ADGRE3: variants seen among roughly 807,000 people sequenced by gnomAD.
ADGRE3 encodes the protein EGF-like module receptor 3.
Under a neutral mutation model 80.1 loss-of-function variants are expected in ADGRE3, and 88 were observed. The ratio of observed to expected loss-of-function variants is 1.10; its 90% confidence interval spans 0.93 to 1.31. The LOEUF (loss-of-function observed/expected upper bound fraction) is 1.31, where lower values mean the gene tolerates loss of function less well. Ranked by LOEUF, ADGRE3 falls within the 40% of genes most tolerant of loss-of-function variation. The pLI is 0.00. For synonymous variants in ADGRE3, 281 were observed against 294.8 expected (o/e 0.95, Z 0.48); for missense variants, 715 against 776.5 (o/e 0.92, Z 0.94).
chr19:14,651,201 A>G lies in ADGRE3; in HGVS notation c.581T>C (p.Ile194Thr). 6.2e-7 allele frequency: 1 copy of G among 1,614,096 alleles called. No homozygotes were observed. Among genetic ancestry groups the G allele is most frequent in the Non-Finnish European group, 8.5e-7 (1 of 1,179,972 alleles). The change falls in exon 7 of 16, where the codon ATT (isoleucine) becomes ACT (threonine). Residue 194 changes from isoleucine to threonine, a missense_variant. Transcript: ENST00000253673. ...VLKIQNDSVA[I>T]ETQAITDNCS... ...ATTGTCTGTAATCGCTTGAGTTTCA[A>G]TAGCTGGTAAGAAAAGCAATGGGCA...
rs1417424195 is a variant in ADGRE3 at position 14,619,246 on chromosome 19, A to G, written c.*187T>C. On this transcript the variant is annotated 3_prime_UTR_variant, in exon 16 of 16. Transcript: ENST00000253673. ...TGACTGAATACACCATAGTGAAGAG[A>G]AATGCAATTTACCACACATTTGTTG... is the stretch of plus-strand genomic sequence containing the variant. 1.1e-5 allele frequency: 7 copies of G among 616,952 alleles called. No individual in the cohort carries two copies. Among genetic ancestry groups the G allele is most frequent in the Non-Finnish European group, 2.0e-5 (7 of 348,500 alleles). 38.2% of individuals were successfully genotyped at this position (616,952 alleles called of 1,614,324 possible). A position where few individuals can be genotyped will look rare whatever the true frequency, so the allele number is the denominator to read the frequency against.
chr19:14,636,058 T>TTCCTTCCTTCCTTCCTTCCC (rs1449287126), intron 11 of ADGRE3, among the ~76,000 whole-genome samples: 1 of 22,406 alleles, frequency 4.5e-5, no homozygotes, highest in African/African-American at 1.2e-4. Flanking sequence ...CCTTCCTTCC[T>TTCCTTCCTTCCTTCCTTCCC]TCCTTTCCTT....
intron 2 of ADGRE3, among the ~76,000 whole-genome samples, chr19:14,664,046 T>C (rs1972026312): frequency 6.6e-6 from 1 of 151,644 alleles, no homozygotes; most frequent in Non-Finnish European, 1.5e-5. Context: ...TTTCCTCTTG[T>C]GAGATCTAAG....
chr19:14,624,705 T>G (rs1970688623), intron 15 of ADGRE3, among the ~76,000 whole-genome samples: 1 of 149,878 alleles, frequency 6.7e-6, no homozygotes, highest in African/African-American at 2.5e-5. Flanking sequence ...CAGTAAGCTA[T>G]GATCACGCCA....
rs375700065 is a variant in ADGRE3 at position 14,662,033 on chromosome 19, T to C, written c.285A>G (p.Gln95=). 123 of 1,613,970 alleles carry C rather than the reference T, an allele frequency of 7.6e-5. No individual in the cohort carries two copies. The highest frequency in any genetic ancestry group is 9.4e-5 in the Non-Finnish European group (111 of 1,179,908). The change falls in exon 4 of 16, where the codon CAA becomes CAG. Residue 95 remains glutamine, a synonymous_variant. Transcript: ENST00000253673. ...CYNVEGSFYC[Q]CVPGYRLHSG... ...AATGCAGTCTATATCCTGGGACACA[T>C]TGACAGTAGAAACTTCCTTCGACAT...
At chr19:14,621,019 T>TA (rs1970592237) in intron 15 of ADGRE3, among the ~76,000 whole-genome samples, 1 of 151,896 alleles carries the variant, frequency 6.6e-6, no homozygotes, top group Non-Finnish European at 1.5e-5. Flanking sequence ...AGCCTAATAT[T>TA]AATCAAATTT....
intron 15 of ADGRE3, among the ~76,000 whole-genome samples, chr19:14,620,535 T>TA (rs1491197917): frequency 0.12 from 1,910 of 16,538 alleles, 211 homozygotes; most frequent in African/African-American, 0.16. Flanking sequence ...AATATATATA[T>TA]TTTATATATA....
intron 2 of ADGRE3, among the ~76,000 whole-genome samples, chr19:14,666,573 C>T (rs1215362368): frequency 6.6e-6 from 1 of 152,098 alleles, no homozygotes; most frequent in Non-Finnish European, 1.5e-5. Flanking sequence ...GATGGGGTTT[C>T]ACCATGTTGG....
chr19:14,612,929 A>ATT, the ADGRE3 span, among the ~76,000 whole-genome samples: 38 of 120,890 alleles, frequency 3.1e-4, no homozygotes, highest in African/African-American at 9.1e-4. Context: ...CAATCAATTT[A>ATT]TTTTTTTTTT....
At chr19:14,664,135 C>T (rs1184784914) in intron 2 of ADGRE3, among the ~76,000 whole-genome samples, 1 of 152,022 alleles carries the variant, frequency 6.6e-6, no homozygotes, top group Non-Finnish European at 1.5e-5. Context: ...AACCCCGTCT[C>T]TACTAAAAAA....
chr19:14,620,549 T>A (rs868436953), intron 15 of ADGRE3, among the ~76,000 whole-genome samples: 194 of 2,300 alleles, frequency 0.084, 8 homozygotes, highest in African/African-American at 0.16. Context: ...ATATATATAT[T>A]ATATATATAT....
chr19:14,618,876 C>T (rs1305190872), downstream of ADGRE3, among the ~76,000 whole-genome samples: 2 of 106,830 alleles, frequency 1.9e-5, no homozygotes, highest in African/African-American at 6.3e-5. Context: ...AAAAAATTAG[C>T]CTGTATCTAG....
intron 5 of ADGRE3, among the ~76,000 whole-genome samples, chr19:14,657,290 T>C (rs767226413): frequency 2.0e-5 from 3 of 152,248 alleles, no homozygotes; most frequent in South Asian, 2.1e-4. Context: ...GCTCACAGTC[T>C]AGGGATTGAT....
intron 1 of ADGRE3, 42 bp downstream of exon 1, chr19:14,674,704 G>C: frequency 6.2e-7 from 1 of 1,600,640 alleles, no homozygotes; most frequent in Non-Finnish European, 8.5e-7. Flanking sequence ...TCCCTGACTG[G>C]GGGATAGGTT....
chr19:14,631,269 G>A (rs942989006), intron 13 of ADGRE3, among the ~76,000 whole-genome samples: 2 of 152,056 alleles, frequency 1.3e-5, no homozygotes, highest in Non-Finnish European at 2.9e-5. Flanking sequence ...TTGAGGTGAT[G>A]AGTACCTTAA....
intron 15 of ADGRE3, among the ~76,000 whole-genome samples, chr19:14,624,031 T>C (rs1050643669): frequency 3.3e-5 from 5 of 151,614 alleles, no homozygotes; most frequent in Non-Finnish European, 7.4e-5. Flanking sequence ...ACTCCTGGGC[T>C]CAAGCGATCC....
chr19:14,658,063 C>A (rs984510644), intron 5 of ADGRE3, among the ~76,000 whole-genome samples: 9 of 152,220 alleles, frequency 5.9e-5, no homozygotes, highest in African/African-American at 2.2e-4. Context: ...CCACGCCAAG[C>A]CCGGCAATAC....
the ADGRE3 span, among the ~76,000 whole-genome samples, chr19:14,600,589 T>C: frequency 6.7e-6 from 1 of 148,826 alleles, no homozygotes; most frequent in Admixed American, 6.7e-5. Flanking sequence ...TTTCTTTTCT[T>C]TTTTTTTTTT....
Position 14,647,175 on chromosome 19 carries a change from A to G in ADGRE3, c.882+6T>C. On this transcript the variant is annotated splice_donor_region_variant and intron_variant, in intron 8 of 15. Coordinates refer to ENST00000253673, the MANE Select transcript of ADGRE3 (RefSeq NM_032571.5). The stretch of plus-strand genomic sequence containing the variant: ...CCCACAAGCTCAAATCATACCTGTG[A>G]CCCACCTTCACGTGCTGGAAAGTCA... 1 of 1,612,902 alleles carries G rather than the reference A, an allele frequency of 6.2e-7. No individual in the cohort carries two copies. Among genetic ancestry groups the G allele is most frequent in the Non-Finnish European group, 8.5e-7 (1 of 1,179,198 alleles).
Sources: gnomAD v4.1 joint callset for allele counts (sites outside exome capture counted in the v4.1 genomes callset) on GRCh38, gnomAD v4.1.1 for gene constraint, MANE v1.5 for transcripts, NCBI Gene and HGNC (gene_info 2026-07-23, HGNC 2026-07-21) for gene names.